Variants in OR9Q1 observed in about 807,000 individuals in gnomAD.
The protein encoded by OR9Q1 is olfactory receptor family 9 subfamily Q member 1.
For synonymous variants in OR9Q1, 153 were observed against 148.6 expected, an observed-to-expected ratio of 1.03 and a Z score of -0.22; for missense variants, 374 against 378.8, an observed-to-expected ratio of 0.99 and a Z score of 0.11.
chr11:58,089,068 G>A (rs1328144367), intron 2 of OR9Q1, among the ~76,000 whole-genome samples: 2 of 151,460 alleles, frequency 1.3e-5, no homozygotes, highest in Admixed American at 1.3e-4. Flanking sequence ...AGTAGAGATG[G>A]GGTTTCATCA....
chr11:58,110,974 T>G (rs193134766), intron 2 of OR9Q1, among the ~76,000 whole-genome samples: 2 of 152,280 alleles, frequency 1.3e-5, no homozygotes, highest in African/African-American at 4.8e-5. Flanking sequence ...TATGGGGTCC[T>G]ACCAGTCACA....
At chr11:58,119,881 A>G (rs186467463) in intron 2 of OR9Q1, among the ~76,000 whole-genome samples, 7 of 152,122 alleles carry the variant, frequency 4.6e-5, no homozygotes, top group Non-Finnish European at 8.8e-5. Context: ...CTCCTTCTGT[A>G]CCTTTCACAC....
intron 1 of OR9Q1, among the ~76,000 whole-genome samples, chr11:58,027,578 G>C (rs371108586): frequency 6.6e-6 from 1 of 152,120 alleles, no homozygotes; most frequent in Non-Finnish European, 1.5e-5. Flanking sequence ...AAAATATTGG[G>C]TAATCCCTGC....
chr11:58,109,451 C>T (rs77127229), intron 2 of OR9Q1: 13 of 462,296 alleles, frequency 2.8e-5, no homozygotes, highest in African/African-American at 2.6e-4. Context: ...GCACAGCAGG[C>T]ATCCAGGAAA....
intron 2 of OR9Q1, among the ~76,000 whole-genome samples, chr11:58,151,678 G>C (rs2443428): frequency 0.36 from 54,585 of 151,998 alleles, 10,058 homozygotes; most frequent in Admixed American, 0.44. Flanking sequence ...CTCATTACAA[G>C]TATGTGTACA....
In OR9Q1 at chr11:58,180,320, G is replaced by T; in HGVS notation, c.876G>T (p.Arg292Ser). Residue 292 changes from arginine to serine, a missense_variant, in exon 3 of 3, where the codon AGG becomes AGT. Transcript: ENST00000335397. Reference sequence around the variant, plus strand: ...TGAATCCCCTCATCTACAGCCTGAGGAACAAGGAAGTGAAGGAGGCCCTGA... The same window carrying T: ...TGAATCCCCTCATCTACAGCCTGAGTAACAAGGAAGTGAAGGAGGCCCTGA... ...PMLNPLIYSL[R>S]NKEVKEALRK... The T allele has an allele frequency of 6.2e-7, 1 of 1,608,396 alleles. No homozygotes were observed.
intron 2 of OR9Q1, among the ~76,000 whole-genome samples, chr11:58,123,548 C>A (rs991256545): frequency 2.0e-5 from 3 of 152,118 alleles, no homozygotes; most frequent in African/African-American, 7.2e-5. Context: ...TAGCTCTAGT[C>A]CTTCCTGAAG....
At chr11:58,069,339 C>T (rs1853464576) in intron 2 of OR9Q1, among the ~76,000 whole-genome samples, 1 of 152,162 alleles carries the variant, frequency 6.6e-6, no homozygotes, top group African/African-American at 2.4e-5. Flanking sequence ...TCACTGTCCC[C>T]TTCCTCTCTG....
chr11:58,056,685 A>G (rs1437893720), intron 2 of OR9Q1, among the ~76,000 whole-genome samples: 1 of 152,186 alleles, frequency 6.6e-6, no homozygotes, highest in East Asian at 1.9e-4. Context: ...GAAAACATTT[A>G]CTATCTGGCT....
chr11:58,054,017 G>A (rs912789208), intron 1 of OR9Q1, among the ~76,000 whole-genome samples: 1 of 152,078 alleles, frequency 6.6e-6, no homozygotes, highest in Non-Finnish European at 1.5e-5. Flanking sequence ...GGTGACTATG[G>A]GTGGTGATGG....
chr11:58,110,767 G>A (rs1266051658), intron 2 of OR9Q1, among the ~76,000 whole-genome samples: 2 of 152,112 alleles, frequency 1.3e-5, no homozygotes, highest in East Asian at 3.9e-4. Flanking sequence ...ATAGTGTTTG[G>A]TAAAATCAGT....
intron 2 of OR9Q1, among the ~76,000 whole-genome samples, chr11:58,142,530 A>G (rs1854260600): frequency 6.6e-6 from 1 of 152,154 alleles, no homozygotes; most frequent in South Asian, 2.1e-4. Context: ...AACTCCCCCC[A>G]GTTGCTGAAC....
intron 2 of OR9Q1, among the ~76,000 whole-genome samples, chr11:58,068,375 C>T: frequency 6.6e-6 from 1 of 151,450 alleles, no homozygotes; most frequent in East Asian, 1.9e-4. Context: ...AAAAAAAAGG[C>T]CCGGGAAACC....
Position 58,180,002 on chromosome 11 carries a change from G to A in OR9Q1, c.558G>A (p.Lys186=), listed in dbSNP as rs1417612550. ...FIFCDLPPLL[K]LTCGESYTQE... ...TCTGTGACCTCCCTCCTCTGTTAAA[G>A]TTGACCTGTGGGGAGAGCTACACTC... Residue 186 remains lysine, a synonymous_variant, in exon 3 of 3, where the codon AAG becomes AAA. Transcript: ENST00000335397. 1 of 1,614,042 alleles carries A rather than the reference G, an allele frequency of 6.2e-7. No individual in the cohort carries two copies. The highest frequency in any genetic ancestry group is 1.7e-5 in the Admixed American group (1 of 60,012).
At chr11:58,048,664 C>A (rs1209985996) in intron 1 of OR9Q1, among the ~76,000 whole-genome samples, 1 of 89,908 alleles carries the variant, frequency 1.1e-5, no homozygotes, top group African/African-American at 3.7e-5. Context: ...GCAAGGACTC[C>A]ATCTTAAAAA....
intron 1 of OR9Q1, among the ~76,000 whole-genome samples, chr11:58,028,415 T>A (rs892914602): frequency 6.6e-6 from 1 of 152,140 alleles, no homozygotes; most frequent in African/African-American, 2.4e-5. Context: ...AGTAAGAATT[T>A]ATAGATGACA....
intron 1 of OR9Q1, among the ~76,000 whole-genome samples, chr11:58,054,804 G>A (rs1853311967): frequency 6.6e-6 from 1 of 152,172 alleles, no homozygotes; most frequent in African/African-American, 2.4e-5. Context: ...CGTGCCTGAA[G>A]TCCCAGTTAC....
intron 1 of OR9Q1, among the ~76,000 whole-genome samples, chr11:58,028,041 C>T (rs1287878575): frequency 2.7e-5 from 4 of 149,078 alleles, no homozygotes; most frequent in East Asian, 4.0e-4. Context: ...ATGCTTGTGG[C>T]CCTTGCTTTG....
At chr11:58,094,076 T>C (rs1853708879) in intron 2 of OR9Q1, among the ~76,000 whole-genome samples, 1 of 152,130 alleles carries the variant, frequency 6.6e-6, no homozygotes, top group Non-Finnish European at 1.5e-5. Flanking sequence ...GAACTAAAAA[T>C]GTGGTATATA....
Sources: gnomAD v4.1 joint callset for allele counts (sites outside exome capture counted in the v4.1 genomes callset) on GRCh38, gnomAD v4.1.1 for gene constraint, MANE v1.5 for transcripts, NCBI Gene and HGNC (gene_info 2026-07-23, HGNC 2026-07-21) for gene names.